IFT74: variants seen among roughly 807,000 people sequenced by gnomAD.
IFT74 encodes the protein intraflagellar transport protein 74 homolog.
IFT74 carries 92 observed loss-of-function variants against 96.7 expected under a neutral mutation model. That is an observed-to-expected ratio of 0.95 (90% confidence interval 0.80 to 1.13). The LOEUF (loss-of-function observed/expected upper bound fraction) is 1.13, where lower values mean the gene tolerates loss of function less well. IFT74 is among the 50% of genes most tolerant of loss of function. The pLI, the probability that IFT74 is intolerant of heterozygous loss-of-function variation, is 0.00. For synonymous variants in IFT74, 223 were observed against 213.2 expected (o/e 1.05, Z -0.40); for missense variants, 811 against 698.2 (o/e 1.16, Z -1.82).
At chr9:27,007,488 C>A (rs536289355) in intron 8 of IFT74, among the ~76,000 whole-genome samples, 2 of 152,280 alleles carry the variant, frequency 1.3e-5, no homozygotes, top group Non-Finnish European at 2.9e-5. Flanking sequence ...ATTGTAGCAG[C>A]AGGAAACACA....
chr9:27,060,683 G>C lies in IFT74; in HGVS notation c.1684+32G>C, dbSNP rs772006608. The stretch of plus-strand genomic sequence containing the variant: ...TTTAAAAAGCTGAAAATGGGGCCGG[G>C]TGCGGTGGCTCATGCCTATAGTCCC... On this transcript the variant is annotated intron_variant, in intron 19 of 19. Transcript: ENST00000380062. 5 of 1,537,622 alleles carry C rather than the reference G, an allele frequency of 3.3e-6. No homozygotes were observed. The East Asian group carries it at 1.2e-4, about 36-fold the overall frequency.
chr9:27,046,986 A>C (rs1384554183), intron 14 of IFT74, among the ~76,000 whole-genome samples: 1 of 152,152 alleles, frequency 6.6e-6, no homozygotes, highest in African/African-American at 2.4e-5. Context: ...CATCCTGGCC[A>C]ACATGGTGAA....
intron 8 of IFT74, chr9:26,998,260 GA>G: frequency 7.5e-7 from 1 of 1,339,984 alleles, no homozygotes; most frequent in Non-Finnish European, 1.0e-6. Flanking sequence ...ACAAAAAAAA[GA>G]AAGGCATTAA....
At chr9:26,980,672 C>T in intron 4 of IFT74, 53 bp downstream of exon 4, 5 of 1,172,796 alleles carry the variant, frequency 4.3e-6, no homozygotes, top group Non-Finnish European at 5.0e-6. Context: ...TATTGTGTAC[C>T]TTCTGTCAAA....
intron 13 of IFT74, chr9:27,036,559 G>C (rs1014316430): frequency 6.2e-7 from 1 of 1,606,244 alleles, no homozygotes; most frequent in African/African-American, 1.3e-5. Flanking sequence ...TTGAACTGAA[G>C]AATACCCTGC....
Position 27,009,172 on chromosome 9 carries a change from C to A in IFT74, c.726+14C>A. Reference sequence around the variant, plus strand: ...AAACTGTTACAGGTAATACAAATTACTGCTGTGTGCCAAGCATGTATCATT... The same window carrying A: ...AAACTGTTACAGGTAATACAAATTAATGCTGTGTGCCAAGCATGTATCATT... On this transcript the variant is annotated intron_variant, in intron 9 of 19. Transcript: ENST00000380062. The A allele has an allele frequency of 3.1e-6, 5 of 1,605,262 alleles. No homozygotes were observed. Among genetic ancestry groups the A allele is most frequent in the Non-Finnish European group, 4.3e-6 (5 of 1,175,370 alleles).
chr9:26,968,220 C>T (rs1826713382), intron 2 of IFT74, among the ~76,000 whole-genome samples: 1 of 151,176 alleles, frequency 6.6e-6, no homozygotes, highest in Non-Finnish European at 1.5e-5. Flanking sequence ...GTCATCAGGT[C>T]CTGAGCTTTT....
At chr9:26,991,387 A>AT (rs1275124263) in intron 8 of IFT74, among the ~76,000 whole-genome samples, 1 of 151,916 alleles carries the variant, frequency 6.6e-6, no homozygotes, top group Non-Finnish European at 1.5e-5. Context: ...TGCCCAGCTA[A>AT]TTTTTTGTTT....
At chr9:27,002,896 C>G (rs1443570302) in intron 8 of IFT74, among the ~76,000 whole-genome samples, 2 of 152,016 alleles carry the variant, frequency 1.3e-5, no homozygotes, top group African/African-American at 4.8e-5. Context: ...GATATTTTAG[C>G]AATGTTCTTC....
intron 13 of IFT74, among the ~76,000 whole-genome samples, chr9:27,033,077 G>A (rs1453497380): frequency 1.3e-5 from 2 of 152,038 alleles, no homozygotes; most frequent in African/African-American, 4.8e-5. Context: ...TAATGTTTAG[G>A]CTTTTAGACT....
At chr9:27,003,340 T>C (rs1828602919) in intron 8 of IFT74, among the ~76,000 whole-genome samples, 1 of 152,058 alleles carries the variant, frequency 6.6e-6, no homozygotes, top group Non-Finnish European at 1.5e-5. Flanking sequence ...CTGGCCAACA[T>C]GGCGAAACCT....
At chr9:26,995,607 C>G (rs1444441593) in intron 8 of IFT74, 4 of 1,609,876 alleles carry the variant, frequency 2.5e-6, no homozygotes, top group Middle Eastern at 1.6e-4. Flanking sequence ...TGTAATTGTT[C>G]AAATATTACT....
At chr9:27,037,621 A>G (rs1169956274) in intron 13 of IFT74, among the ~76,000 whole-genome samples, 1 of 152,250 alleles carries the variant, frequency 6.6e-6, no homozygotes, top group Non-Finnish European at 1.5e-5. Flanking sequence ...AGTGTCAAGC[A>G]GGCTTTGGGG....
intron 12 of IFT74, among the ~76,000 whole-genome samples, chr9:27,020,721 G>A (rs1419276855): frequency 5.9e-5 from 9 of 152,034 alleles, no homozygotes; most frequent in South Asian, 4.1e-4. Context: ...TGATCTGCCC[G>A]CCTCGGCCTC....
Position 27,056,264 on chromosome 9 carries a change from G to C in IFT74, c.1498-70G>C. The C allele has an allele frequency of 5.0e-6, 6 of 1,200,330 alleles. No homozygotes were observed. In the South Asian group the frequency reaches 8.4e-5, roughly 17 times the overall value. 74.4% of individuals were successfully genotyped at this position (1,200,330 alleles called of 1,614,324 possible). On this transcript the variant is annotated intron_variant, in intron 17 of 19. Transcript: ENST00000380062. ...ACCAGAATATAGTTATTGAAATTAA[G>C]TTAAATATGATTTATATTGGCTTAC...
chr9:27,047,170 CA>C (rs1564000466), intron 14 of IFT74, 103 bp from the exon 15 acceptor site: 4 of 655,858 alleles, frequency 6.1e-6, no homozygotes, highest in Admixed American at 6.2e-5. Flanking sequence ...GACTCTGTCT[CA>C]AAAAAAGAAA....
intron 10 of IFT74, among the ~76,000 whole-genome samples, chr9:27,014,210 G>A (rs1417079295): frequency 1.3e-5 from 2 of 151,998 alleles, no homozygotes; most frequent in African/African-American, 4.8e-5. Context: ...GCAAGATTCT[G>A]TCTAAAAAAA....
chr9:27,051,990 A>G (rs966279488), intron 16 of IFT74, among the ~76,000 whole-genome samples: 1 of 152,194 alleles, frequency 6.6e-6, no homozygotes, highest in African/African-American at 2.4e-5. Flanking sequence ...TTCATTTAGA[A>G]AACCTCTGTT....
chr9:26,965,034 T>G (rs1182955125), intron 2 of IFT74, among the ~76,000 whole-genome samples: 1 of 152,148 alleles, frequency 6.6e-6, no homozygotes, highest in Admixed American at 6.5e-5. Context: ...GGAAACAACC[T>G]AGAAGACTTA....
Sources: allele counts gnomAD v4.1 joint callset (sites outside exome capture counted in the v4.1 genomes callset), GRCh38; gene constraint gnomAD v4.1.1; transcripts MANE v1.5; gene names NCBI Gene and HGNC (gene_info 2026-07-23, HGNC 2026-07-21).